Variants in PAICS observed in about 807,000 individuals in gnomAD.
The protein encoded by PAICS is bifunctional phosphoribosylaminoimidazole carboxylase/phosphoribosylaminoimidazole succinocarboxamide synthetase.
In PAICS, 33 loss-of-function variants were observed where a neutral mutation model predicts 53.7. The observed-to-expected ratio is 0.61, with a 90% CI of 0.47 to 0.82. The LOEUF (loss-of-function observed/expected upper bound fraction) is 0.82. PAICS is among the 40% of genes least tolerant of loss of function. The pLI, the probability that PAICS is intolerant of heterozygous loss-of-function variation, is 0.00. For missense variants in PAICS, 394 were observed against 494.1 expected (o/e 0.80, Z 1.92); for synonymous variants, 141 against 167.2 (o/e 0.84, Z 1.21).
the PAICS span, among the ~76,000 whole-genome samples, chr4:56,428,528 C>T: frequency 9.9e-5 from 15 of 151,582 alleles, no homozygotes; most frequent in Non-Finnish European, 1.6e-4. Context: ...AAATGGCAAC[C>T]CTCCAAGAAA....
At chr4:56,435,706 G>A, upstream of PAICS, 3 of 1,466,960 alleles carry the variant, frequency 2.0e-6, no homozygotes, top group Non-Finnish European at 2.7e-6. Context: ...CGGAGGGGCG[G>A]TCCCGCGGCT....
At chr4:56,431,511 C>A (rs1717583629), upstream of PAICS, 3 of 979,964 alleles carry the variant, frequency 3.1e-6, no homozygotes, top group African/African-American at 1.8e-5. Flanking sequence ...AAAGATTCTA[C>A]AGAATGTTTC....
At chr4:56,440,618 T>C (rs1032190243) in intron 1 of PAICS, among the ~76,000 whole-genome samples, 3 of 152,234 alleles carry the variant, frequency 2.0e-5, no homozygotes, top group African/African-American at 7.2e-5. Context: ...TTCTCTCCTT[T>C]GGCTAAATTT....
chr4:56,441,999 C>G (rs1309830660), intron 2 of PAICS, 139 bp downstream of exon 2: 36 of 606,242 alleles, frequency 5.9e-5, no homozygotes, highest in Non-Finnish European at 9.4e-5. Context: ...AAACCAAGAA[C>G]CCTTAAACTT....
chr4:56,416,405 CT>C, the PAICS span: 1 of 889,792 alleles, frequency 1.1e-6, no homozygotes, highest in Non-Finnish European at 1.3e-6. Flanking sequence ...AAATCCTTTA[CT>C]TCTGGTTTCT....
upstream of PAICS, chr4:56,435,765 G>C (rs996416504): frequency 4.7e-6 from 7 of 1,497,738 alleles, no homozygotes; most frequent in East Asian, 7.8e-5. Flanking sequence ...CTTCCCCTAA[G>C]AGCTGCCTGG....
chr4:56,427,922 C>A, the PAICS span, among the ~76,000 whole-genome samples: 1 of 152,098 alleles, frequency 6.6e-6, no homozygotes, highest in African/African-American at 2.4e-5. Flanking sequence ...GTAGAGAATA[C>A]AGTAGAGAAA....
At chr4:56,457,804 C>T (rs1347821477) in intron 8 of PAICS, among the ~76,000 whole-genome samples, 1 of 151,996 alleles carries the variant, frequency 6.6e-6, no homozygotes, top group Non-Finnish European at 1.5e-5. Context: ...CATGCACCAC[C>T]ATGCCAGCTA....
upstream of PAICS, among the ~76,000 whole-genome samples, chr4:56,432,058 C>G (rs558516505): frequency 7.9e-5 from 12 of 152,340 alleles, no homozygotes; most frequent in South Asian, 2.5e-3. Flanking sequence ...CAGTGCATGA[C>G]TGGCTTAACT....
chr4:56,436,129 C>A, upstream of PAICS: 1 of 1,476,822 alleles, frequency 6.8e-7, no homozygotes, highest in Non-Finnish European at 9.0e-7. Context: ...CGTCCGATAT[C>A]CGCGTTTCAG....
the PAICS span, among the ~76,000 whole-genome samples, chr4:56,427,292 G>T: frequency 6.6e-6 from 1 of 152,044 alleles, no homozygotes; most frequent in Non-Finnish European, 1.5e-5. Flanking sequence ...ATTTTTTTAG[G>T]ACCTGCAGTA....
At chr4:56,446,531 G>C (rs894552250) in intron 2 of PAICS, among the ~76,000 whole-genome samples, 164 bp from the exon 3 acceptor site, 1 of 152,090 alleles carries the variant, frequency 6.6e-6, no homozygotes, top group Admixed American at 6.6e-5. Flanking sequence ...CTTACTGTTT[G>C]AGTCAACAAC....
intron 8 of PAICS, among the ~76,000 whole-genome samples, chr4:56,454,179 G>A (rs1428017887): frequency 1.3e-5 from 2 of 152,182 alleles, no homozygotes; most frequent in African/African-American, 4.8e-5. Context: ...AAAAGGTTTA[G>A]GGGATAGATT....
the PAICS span, among the ~76,000 whole-genome samples, chr4:56,411,439 T>C: frequency 6.6e-6 from 1 of 152,208 alleles, no homozygotes; most frequent in Admixed American, 6.5e-5. Context: ...CAGCTCCATT[T>C]TAACAATGAA....
intron 1 of PAICS, among the ~76,000 whole-genome samples, chr4:56,438,433 T>G (rs1293274027): frequency 1.4e-5 from 2 of 147,688 alleles, no homozygotes; most frequent in African/African-American, 2.5e-5. Flanking sequence ...GTTTTTTGTT[T>G]GTTTTGCTTT....
At chr4:56,418,067 G>C in the PAICS span, among the ~76,000 whole-genome samples, 1 of 152,072 alleles carries the variant, frequency 6.6e-6, no homozygotes, top group Admixed American at 6.5e-5. Context: ...TTGATCTCCT[G>C]ACCTCGTGAT....
At chr4:56,427,917 G>T in the PAICS span, among the ~76,000 whole-genome samples, 5 of 152,156 alleles carry the variant, frequency 3.3e-5, no homozygotes, top group African/African-American at 1.2e-4. Flanking sequence ...AGTTGGTAGA[G>T]AATACAGTAG....
At chr4:56,446,642 C>A (rs764133847) in intron 2 of PAICS, 53 bp from the exon 3 acceptor site, 9 of 1,131,186 alleles carry the variant, frequency 8.0e-6, no homozygotes, top group Non-Finnish European at 1.1e-5. Context: ...CTCAGATCTA[C>A]CTTTTTACAT....
At chr4:56,411,194 T>C in the PAICS span, among the ~76,000 whole-genome samples, 2 of 152,182 alleles carry the variant, frequency 1.3e-5, no homozygotes, top group South Asian at 2.1e-4. Context: ...TTTTGAAATA[T>C]GGATTGAGTT....
Sources: gnomAD v4.1 joint callset for allele counts (sites outside exome capture counted in the v4.1 genomes callset) on GRCh38, gnomAD v4.1.1 for gene constraint, MANE v1.5 for transcripts, NCBI Gene and HGNC (gene_info 2026-07-23, HGNC 2026-07-21) for gene names.